Variants in E4F1 observed in about 807,000 individuals in gnomAD.
E4F1 encodes the protein E4F transcription factor 1, also known as transcription factor E4F1.
E4F1 carries 30 observed loss-of-function variants against 72.9 expected under a neutral mutation model. The observed-to-expected ratio is 0.41, with a 90% CI of 0.31 to 0.56. The LOEUF (loss-of-function observed/expected upper bound fraction) is 0.56, where lower values mean the gene tolerates loss of function less well. Among genes scored for constraint, E4F1 ranks in the 20% least tolerant of loss-of-function variants. The pLI is 0.25. For missense variants in E4F1, 1,091 were observed against 1,117.5 expected (o/e 0.98, Z 0.34); for synonymous variants, 542 against 478.2 (o/e 1.13, Z -1.74).
At chr16:2,228,550 C>A (rs1321900173) in intron 2 of E4F1, 27 bp downstream of exon 2, 1 of 1,604,490 alleles carries the variant, frequency 6.2e-7, no homozygotes, top group South Asian at 1.1e-5. Context: ...TCCCCCATCC[C>A]CTCCCGGGTT....
At chr16:2,231,882 G>A (rs1248060796) in intron 3 of E4F1, 1 of 410,826 alleles carries the variant, frequency 2.4e-6, no homozygotes, top group South Asian at 3.5e-5. Flanking sequence ...CTGGCTTTGG[G>A]GATGGGGCAT....
intron 5 of E4F1, 57 bp from the exon 6 acceptor site, chr16:2,232,699 G>A: frequency 1.2e-6 from 2 of 1,609,666 alleles, no homozygotes; most frequent in Non-Finnish European, 1.7e-6. Flanking sequence ...CCTTCGCCTT[G>A]TCACCTTGTC....
At chr16:2,233,346 T>C in intron 7 of E4F1, 92 bp from the exon 8 acceptor site, 1 of 1,428,932 alleles carries the variant, frequency 7.0e-7, no homozygotes, top group Non-Finnish European at 9.2e-7. Context: ...GTCTGAGGGT[T>C]TGCACAAGGC....
At chr16:2,228,623 C>A in intron 2 of E4F1, 100 bp downstream of exon 2, 2 of 1,437,072 alleles carry the variant, frequency 1.4e-6, no homozygotes, top group Non-Finnish European at 1.9e-6. Context: ...GTTCCGGGGG[C>A]CACGTGGGCG....
Position 2,232,307 on chromosome 16 carries a change from A to G in E4F1, c.552A>G (p.Leu184=), listed in dbSNP as rs757917390. ...AGEGEQAQVK[L]LVNKDGRYVC... Reference sequence around the variant, plus strand: ...AGGGTGAGCAGGCCCAGGTGAAGCTACTGGTGAACAAGGATGGCCGCTATG... The same window carrying G: ...AGGGTGAGCAGGCCCAGGTGAAGCTGCTGGTGAACAAGGATGGCCGCTATG... The change falls in exon 4 of 14, where the codon CTA becomes CTG. Residue 184 remains leucine, a synonymous_variant. Transcript: ENST00000301727. 6.2e-7 allele frequency: 1 copy of G among 1,610,774 alleles called. No individual in the cohort carries two copies. Among genetic ancestry groups the G allele is most frequent in the African/African-American group, 1.3e-5 (1 of 74,842 alleles).
chr16:2,229,464 C>A, intron 2 of E4F1, 106 bp from the exon 3 acceptor site: 1 of 1,237,194 alleles, frequency 8.1e-7, no homozygotes, highest in Non-Finnish European at 1.1e-6. Flanking sequence ...CTGAGCACCA[C>A]AAGTCACACC....
Position 2,234,763 on chromosome 16 carries a change from C to G in E4F1, c.1774C>G (p.Arg592Gly). 6 of 1,517,706 alleles carry G rather than the reference C, an allele frequency of 4.0e-6. No homozygotes were observed. Among genetic ancestry groups the G allele is most frequent in the Non-Finnish European group, 4.4e-6 (5 of 1,128,110 alleles). The allele number at this position is 1,517,706 out of a possible 1,614,324, so 94.0% of individuals were successfully genotyped here. A position where few individuals can be genotyped will look rare whatever the true frequency, so the allele number is the denominator to read the frequency against. The change falls in exon 11 of 14, where the codon CGG becomes GGG. Residue 592 changes from arginine (R) to glycine (G), a missense_variant. This residue lies in a region of E4F1 where 622 missense variants were observed against 628.0 expected (regional missense o/e 0.99). Transcript: ENST00000301727. The part of the protein sequence containing the change: ...RGFAEHGTLN[R>G]HLRTKGGCLL... Reference sequence around the variant, plus strand: ...CTTCGCCGAGCACGGCACGCTGAACCGGCACCTGCGCACCAAAGGTCTGGG... The same window carrying G: ...CTTCGCCGAGCACGGCACGCTGAACGGGCACCTGCGCACCAAAGGTCTGGG...
intron 1 of E4F1, among the ~76,000 whole-genome samples, chr16:2,225,278 C>T (rs886907880): frequency 1.3e-5 from 2 of 151,972 alleles, no homozygotes; most frequent in African/African-American, 4.8e-5. Flanking sequence ...GGGCTCATTC[C>T]TGGGGGCACT....
At chr16:2,228,316 C>T in intron 1 of E4F1, 56 bp from the exon 2 acceptor site, 1 of 1,606,176 alleles carries the variant, frequency 6.2e-7, no homozygotes, top group Non-Finnish European at 8.5e-7. Context: ...CCAGACGGAG[C>T]CCTGGCTGCC....
Position 2,234,733 on chromosome 16 carries a change from C to G in E4F1, c.1744C>G (p.Arg582Gly). The G allele has an allele frequency of 6.6e-7, 1 of 1,511,168 alleles. No homozygotes were observed. The highest frequency in any genetic ancestry group is 8.9e-7 in the Non-Finnish European group (1 of 1,122,760). The allele number at this position is 1,511,168 out of a possible 1,614,324, so 93.6% of individuals were successfully genotyped here. Residue 582 changes from arginine (R) to glycine (G), a missense_variant, in exon 11 of 14, where the codon CGT (arginine) becomes GGT (glycine). Transcript: ENST00000301727. The part of the protein sequence containing the change: ...EKPFKCYKCG[R>G]GFAEHGTLNR... ...GCCGTTCAAGTGCTACAAGTGCGGCCGTGGCTTCGCCGAGCACGGCACGCT... is the reference window on the plus strand; with the variant it reads ...GCCGTTCAAGTGCTACAAGTGCGGCGGTGGCTTCGCCGAGCACGGCACGCT...
intron 8 of E4F1, 57 bp from the exon 9 acceptor site, chr16:2,233,825 G>A (rs1315273885): frequency 6.7e-7 from 1 of 1,487,546 alleles, no homozygotes; most frequent in Non-Finnish European, 9.1e-7. Flanking sequence ...TTGTGTTCTT[G>A]GTACTGCCAG....
At chr16:2,233,302 C>G (rs1270426177) in intron 7 of E4F1, 119 bp downstream of exon 7, 6 of 1,451,108 alleles carry the variant, frequency 4.1e-6, no homozygotes, top group Non-Finnish European at 5.5e-6. Context: ...GGGCTTCCCA[C>G]AGGGAGAGCA....
At chr16:2,233,354 G>C in intron 7 of E4F1, 84 bp from the exon 8 acceptor site, 1 of 1,430,136 alleles carries the variant, frequency 7.0e-7, no homozygotes, top group Non-Finnish European at 9.2e-7. Flanking sequence ...GTTTGCACAA[G>C]GCTCCTGGCG....
intron 6 of E4F1, 48 bp downstream of exon 6, chr16:2,232,956 C>T (rs534584392): frequency 3.1e-5 from 50 of 1,612,054 alleles, no homozygotes; most frequent in South Asian, 8.8e-5. Flanking sequence ...TGGCTGTGGA[C>T]GCAGCCGCCA....
At position 2,234,650 on chromosome 16, in the gene E4F1, G is replaced by T; in HGVS notation, c.1661G>T (p.Arg554Leu). Reference protein sequence around the residue: ...EKPHVCQFCSRGFREKGSLVR... With the variant: ...EKPHVCQFCSLGFREKGSLVR... ...CCGCACGTGTGCCAGTTCTGCAGCC[G>T]TGGCTTCCGAGAGAAGGGCTCACTG... The change falls in exon 11 of 14, where the codon CGT becomes CTT. Residue 554 changes from arginine to leucine, a missense_variant. By Grantham distance (102) the Arg-to-Leu change is moderately radical. Coordinates refer to ENST00000301727, the MANE Select transcript of E4F1 (RefSeq NM_004424.5). 1 of 1,598,546 alleles carries T rather than the reference G, an allele frequency of 6.3e-7. No individual in the cohort carries two copies. Among genetic ancestry groups the T allele is most frequent in the Non-Finnish European group, 8.5e-7 (1 of 1,172,722 alleles).
At position 2,235,533 on chromosome 16, in the gene E4F1, G is replaced by A. The variant is rs369630364; in HGVS notation, c.2316G>A (p.Ser772=). The change falls in exon 14 of 14, where the codon TCG becomes TCA. Residue 772 remains serine (S), a synonymous_variant. Transcript: ENST00000301727. ...ATGCAGGCGAGCTGGTCATCGCCTCGCCGGAGGGCCAGCTGGAGGTGCAGA... is the reference window on the plus strand; with the variant it reads ...ATGCAGGCGAGCTGGTCATCGCCTCACCGGAGGGCCAGCTGGAGGTGCAGA... ...LEHAGELVIA[S]PEGQLEVQTV... is the part of the protein sequence containing the mutation. 3.3e-5 allele frequency: 53 copies of A among 1,603,880 alleles called. No homozygotes were observed. Among genetic ancestry groups the A allele is most frequent in the Middle Eastern group, 1.7e-4 (1 of 6,046 alleles).
At chr16:2,227,979 C>T (rs770015821) in intron 1 of E4F1, among the ~76,000 whole-genome samples, 1 of 152,058 alleles carries the variant, frequency 6.6e-6, no homozygotes, top group Non-Finnish European at 1.5e-5. Flanking sequence ...AGTCTTAAAT[C>T]CTGGTCCTTT....
In E4F1 at chr16:2,234,244, G is replaced by T. The variant is rs1167094424; in HGVS notation, c.1449G>T (p.Glu483Asp). 22 of 1,612,876 alleles carry T rather than the reference G, an allele frequency of 1.4e-5. No individual in the cohort carries two copies. Among genetic ancestry groups the T allele is most frequent in the Non-Finnish European group, 1.9e-5 (22 of 1,179,956 alleles). Reference protein sequence around the residue: ...PKAYLLKKHQEVHVRERRFRC... With the variant: ...PKAYLLKKHQDVHVRERRFRC... ...CCTACCTGCTCAAGAAGCACCAGGA[G>T]GTGCACGTGCGTGAGCGCCGCTTCC... Residue 483 changes from glutamate (E) to aspartate (D), a missense_variant, in exon 10 of 14, where the codon GAG (glutamate) becomes GAT (aspartate). Transcript: ENST00000301727.
rs142774941 is a variant in E4F1 at position 2,234,373 on chromosome 16, G to A, written c.1578G>A (p.Lys526=). The A allele has an allele frequency of 2.2e-5, 36 of 1,612,948 alleles. No individual in the cohort carries two copies. Among genetic ancestry groups the A allele is most frequent in the Non-Finnish European group, 2.7e-5 (32 of 1,179,974 alleles). Residue 526 remains lysine, a synonymous_variant, in exon 10 of 14, where the codon AAG becomes AAA. Transcript: ENST00000301727. ...CCTACCCTTGTCCCAAGTGTGGCAA[G>A]CGCTACAAGACTAAGGTGGGTCTCT... ...ERPYPCPKCG[K]RYKTKNAQQV...
Sources: gnomAD v4.1 joint callset for allele counts (sites outside exome capture counted in the v4.1 genomes callset) on GRCh38, gnomAD v4.1.1 for gene constraint, gnomAD v4.1.1 regional missense constraint, MANE v1.5 for transcripts, NCBI Gene and HGNC (gene_info 2026-07-23, HGNC 2026-07-21) for gene names.